The following PRKN variants were observed in gnomAD, a reference collection of about 807,000 sequenced individuals.
PRKN encodes E3 ubiquitin-protein ligase parkin.
In PRKN, 56 loss-of-function variants were observed where a neutral mutation model predicts 59.5. The observed-to-expected ratio is 0.94, with a 90% confidence interval of 0.76 to 1.18. PRKN has a LOEUF of 1.18. PRKN is among the 50% of genes most tolerant of loss of function. PRKN has a pLI of 0.00. For missense variants in PRKN, 657 were observed against 596.4 expected, an observed-to-expected ratio of 1.10 and a Z score of -1.06; for synonymous variants, 250 against 222.1, an observed-to-expected ratio of 1.13 and a Z score of -1.12.
At chr6:162,338,871 C>G (rs1182911741) in intron 2 of PRKN, among the ~76,000 whole-genome samples, 2 of 149,636 alleles carry the variant, frequency 1.3e-5, no homozygotes, top group Non-Finnish European at 3.0e-5. Flanking sequence ...GGCCGCCCAT[C>G]GTCTGAGATG....
Position 162,414,726 on chromosome 6 carries a change from A to AAAAAAAAAAAAAAAAAAAAAAGT in PRKN, c.171+28583_171+28584insACTTTTTTTTTTTTTTTTTTTTT, listed in dbSNP as rs34838356. On this transcript the variant is annotated intron_variant, in intron 2 of 11. Transcript: ENST00000366898. ...ACTCCGTCTCAAAAAAAAAAAAAAAAAGTGAATCTTTGAAGTTTTAAAATA... is the reference window on the plus strand; with the variant it reads ...ACTCCGTCTCAAAAAAAAAAAAAAAAAAAAAAAAAAAAAAAAAAAAAGTAGTGAATCTTTGAAGTTTTAAAATA... Among the ~76,000 whole-genome samples the AAAAAAAAAAAAAAAAAAAAAAGT allele has an allele frequency of 3.2e-3, 293 of 91,752 alleles. 55 individuals carry two copies. Among genetic ancestry groups the AAAAAAAAAAAAAAAAAAAAAAGT allele is most frequent in the Middle Eastern group, 6.1e-3 (1 of 164 alleles). The allele number at this position is 91,752 out of a possible 152,430, so 60.2% of individuals were successfully genotyped here. A position where few individuals can be genotyped will look rare whatever the true frequency, so the allele number is the denominator to read the frequency against.
chr6:162,681,860 C>T (rs1335097039), intron 1 of PRKN, among the ~76,000 whole-genome samples: 1 of 152,100 alleles, frequency 6.6e-6, no homozygotes, highest in Non-Finnish European at 1.5e-5. Flanking sequence ...CGCTCCCACC[C>T]TGTGGAGTGT....
At chr6:161,517,083 G>C (rs576040896) in intron 9 of PRKN, among the ~76,000 whole-genome samples, 2 of 152,142 alleles carry the variant, frequency 1.3e-5, no homozygotes, top group African/African-American at 4.8e-5. Flanking sequence ...AACAGGTTTT[G>C]TAATTGCCTT....
At chr6:162,287,730 T>A (rs1781258291) in intron 2 of PRKN, among the ~76,000 whole-genome samples, 1 of 152,204 alleles carries the variant, frequency 6.6e-6, no homozygotes. Flanking sequence ...CTGGGAGGGT[T>A]ACATTGATAA....
chr6:162,155,905 G>C (rs1168222458), intron 4 of PRKN, among the ~76,000 whole-genome samples: 1 of 151,978 alleles, frequency 6.6e-6, no homozygotes, highest in Non-Finnish European at 1.5e-5. Context: ...AAGATGCATA[G>C]AATAAGGTAC....
rs1222347602 is a variant in PRKN, at chr6:161,471,960, C to T, written c.1083+76894G>A. Among the ~76,000 whole-genome samples the T allele has an allele frequency of 6.6e-6, 1 of 151,606 alleles. No homozygotes were observed. The highest frequency in any genetic ancestry group is 2.4e-5 in the African/African-American group (1 of 41,230). On this transcript the variant is annotated intron_variant, in intron 9 of 11. Coordinates refer to ENST00000366898, the MANE Select transcript of PRKN (RefSeq NM_004562.3). The surrounding 1 kb of genome is among the most constrained non-coding windows in gnomAD (Gnocchi z 4.5). Reference sequence around the variant, plus strand: ...TAATTTCAATACCAACTTTGGGAGACATTAAAAAAAAATACTGAAGCCTAT... The same window carrying T: ...TAATTTCAATACCAACTTTGGGAGATATTAAAAAAAAATACTGAAGCCTAT...
At chr6:162,382,852 G>C (rs1341273399) in intron 2 of PRKN, among the ~76,000 whole-genome samples, 1 of 152,160 alleles carries the variant, frequency 6.6e-6, no homozygotes, top group East Asian at 1.9e-4. Context: ...AAGTTATGCA[G>C]TATCTAAATC....
At chr6:162,586,238 T>C (rs1049192686) in intron 1 of PRKN, among the ~76,000 whole-genome samples, 12 of 152,182 alleles carry the variant, frequency 7.9e-5, no homozygotes, top group Non-Finnish European at 1.3e-4. Flanking sequence ...GTCATAATAA[T>C]GCAACGTACC....
In PRKN at chr6:161,921,417, T is replaced by C. The variant is rs151003107; in HGVS notation, c.734+51885A>G. On this transcript the variant is annotated intron_variant, in intron 6 of 11. Coordinates refer to ENST00000366898, the MANE Select transcript of PRKN (RefSeq NM_004562.3). ...TACTCTAAAATAGCAATAAAAAGTA[T>C]ACAATATACATAAACCAGTAACATA... Among the ~76,000 whole-genome samples, 33 of 152,346 alleles carry C rather than the reference T, an allele frequency of 2.2e-4. No individual in the cohort carries two copies. The East Asian group carries it at 6.0e-3, about 28-fold the overall frequency.
intron 1 of PRKN, among the ~76,000 whole-genome samples, chr6:162,657,973 AT>A (rs1233645022): frequency 6.6e-6 from 1 of 152,224 alleles, no homozygotes; most frequent in African/African-American, 2.4e-5. Flanking sequence ...TTCTTAAAAA[AT>A]ATAATACTAT....
chr6:162,723,405 G>A (rs1404858203), intron 1 of PRKN, among the ~76,000 whole-genome samples: 4 of 152,178 alleles, frequency 2.6e-5, no homozygotes, highest in African/African-American at 9.7e-5. Context: ...CTGAAAGGGA[G>A]GGCAGGGCCA....
At chr6:162,320,685 C>T (rs1432608015) in intron 2 of PRKN, among the ~76,000 whole-genome samples, 1 of 151,614 alleles carries the variant, frequency 6.6e-6, no homozygotes, top group African/African-American at 2.4e-5. Context: ...TCATGAAAGG[C>T]TAATCATATA....
chr6:161,833,252 GC>G (rs1225370197), intron 6 of PRKN, among the ~76,000 whole-genome samples: 7 of 152,110 alleles, frequency 4.6e-5, no homozygotes. Context: ...ATGGGGCACC[GC>G]CAGATACAGT....
chr6:161,418,704 T>TCA (rs1787961160), intron 9 of PRKN, among the ~76,000 whole-genome samples: 1 of 152,216 alleles, frequency 6.6e-6, no homozygotes, highest in African/African-American at 2.4e-5. Flanking sequence ...TTATTTTCTT[T>TCA]CACAGGTGTC....
intron 3 of PRKN, among the ~76,000 whole-genome samples, chr6:162,244,082 C>T (rs556121725): frequency 6.6e-6 from 1 of 152,118 alleles, no homozygotes; most frequent in African/African-American, 2.4e-5. Flanking sequence ...GTAATGCAAC[C>T]TAACAAGCAG....
chr6:162,538,587 T>C (rs1044664953), intron 1 of PRKN, among the ~76,000 whole-genome samples: 2 of 152,166 alleles, frequency 1.3e-5, no homozygotes, highest in Admixed American at 6.5e-5. Flanking sequence ...ACTGATTCCA[T>C]GTTTTTGTAT....
At chr6:162,634,507 C>T (rs1249936536) in intron 1 of PRKN, among the ~76,000 whole-genome samples, 1 of 152,192 alleles carries the variant, frequency 6.6e-6, no homozygotes, top group Non-Finnish European at 1.5e-5. Context: ...ACTCTCCTGC[C>T]TCTCTCCTCC....
intron 5 of PRKN, among the ~76,000 whole-genome samples, chr6:162,012,632 A>G (rs1281491051): frequency 6.6e-6 from 1 of 152,146 alleles, no homozygotes; most frequent in Non-Finnish European, 1.5e-5. Context: ...TTATTGAGCA[A>G]ATCTGATCCT....
At chr6:162,322,993 T>G (rs1376697105) in intron 2 of PRKN, among the ~76,000 whole-genome samples, 1 of 146,460 alleles carries the variant, frequency 6.8e-6, no homozygotes, top group Non-Finnish European at 1.5e-5. Flanking sequence ...ACACCGCATA[T>G]TCTCACTCAT....
Sources: allele counts gnomAD v4.1 joint callset (sites outside exome capture counted in the v4.1 genomes callset), GRCh38; gene constraint gnomAD v4.1.1; non-coding constraint Gnocchi (gnomAD v3.1); transcripts MANE v1.5; gene names NCBI Gene and HGNC (gene_info 2026-07-23, HGNC 2026-07-21).